WDPCP: variants seen among roughly 807,000 people sequenced by gnomAD.
WDPCP encodes the protein WD repeat containing planar cell polarity effector.
WDPCP carries 71 observed loss-of-function variants against 93.1 expected under a neutral mutation model. The observed-to-expected ratio is 0.76, with a 90% CI of 0.63 to 0.93. WDPCP has a LOEUF of 0.93. Ranked by LOEUF, WDPCP falls within the 40% of genes least tolerant of loss-of-function variation. WDPCP has a pLI of 0.00. For missense variants in WDPCP, 844 were observed against 887.4 expected (o/e 0.95, Z 0.62); for synonymous variants, 315 against 315.0 (o/e 1.00, Z 0.00).
chr2:63,370,128 T>C (rs1691261057), intron 12 of WDPCP, among the ~76,000 whole-genome samples: 1 of 152,168 alleles, frequency 6.6e-6, no homozygotes, highest in African/African-American at 2.4e-5. Flanking sequence ...ATTTACTGAT[T>C]AGTATAACAA....
intron 8 of WDPCP, among the ~76,000 whole-genome samples, chr2:63,435,374 G>C (rs1213297863): frequency 6.6e-6 from 1 of 152,142 alleles, no homozygotes; most frequent in African/African-American, 2.4e-5. Flanking sequence ...GGCAATGACA[G>C]ACAACACAGA....
chr2:63,460,455 A>T (rs1234464981), intron 6 of WDPCP, among the ~76,000 whole-genome samples: 1 of 152,202 alleles, frequency 6.6e-6, no homozygotes, highest in African/African-American at 2.4e-5. Flanking sequence ...TGTATATTTC[A>T]AAATAATTAG....
intron 2 of WDPCP, among the ~76,000 whole-genome samples, chr2:63,668,281 C>G (rs1016215456): frequency 5.3e-5 from 8 of 152,136 alleles, no homozygotes; most frequent in African/African-American, 1.9e-4. Flanking sequence ...TCCCACCACT[C>G]CCCAAGCCTC....
chr2:63,493,918 C>A (rs536912664), intron 1 of WDPCP, among the ~76,000 whole-genome samples: 7 of 152,074 alleles, frequency 4.6e-5, no homozygotes, highest in Admixed American at 3.3e-4. Flanking sequence ...TATTTTAAGA[C>A]ATATTTTAAT....
chr2:63,815,423 T>C (rs1670919393), intron 1 of WDPCP, among the ~76,000 whole-genome samples: 1 of 152,218 alleles, frequency 6.6e-6, no homozygotes, highest in Non-Finnish European at 1.5e-5. Context: ...GGAATTACTC[T>C]ACTACGAAAT....
intron 14 of WDPCP, chr2:63,228,692 T>C (rs937638533): frequency 6.6e-5 from 10 of 152,066 alleles, no homozygotes; most frequent in Non-Finnish European, 1.5e-4. Context: ...GTTTGGTTTT[T>C]TGTCCTTGCG....
At chr2:63,226,608 A>G (rs1678312625) in intron 14 of WDPCP, among the ~76,000 whole-genome samples, 1 of 151,900 alleles carries the variant, frequency 6.6e-6, no homozygotes, top group Admixed American at 6.6e-5. Flanking sequence ...AAATGAATGC[A>G]TCTCAAATAC....
rs573875497 is a variant in WDPCP, at chr2:63,136,486, A to G, written c.2191-14430T>C. Among the ~76,000 whole-genome samples the G allele has an allele frequency of 5.9e-5, 9 of 152,328 alleles. No homozygotes were observed. The South Asian group carries it at 1.7e-3, about 28-fold the overall frequency. ...TATCTATTATATACAGACACATAATAGAACACTTAAGATGGGTGCATTTTA... is the reference window on the plus strand; with the variant it reads ...TATCTATTATATACAGACACATAATGGAACACTTAAGATGGGTGCATTTTA... On this transcript the variant is annotated intron_variant, in intron 17 of 17. Transcript: ENST00000272321.
At chr2:63,190,048 C>T (rs1674923127) in intron 14 of WDPCP, among the ~76,000 whole-genome samples, 1 of 152,004 alleles carries the variant, frequency 6.6e-6, no homozygotes, top group Admixed American at 6.5e-5. Context: ...ATGAAGCAGA[C>T]ATAATCCCAT....
intron 14 of WDPCP, among the ~76,000 whole-genome samples, chr2:63,186,716 C>A (rs1674663251): frequency 6.6e-6 from 1 of 152,082 alleles, no homozygotes; most frequent in Admixed American, 6.5e-5. Flanking sequence ...ACTCAGGGTG[C>A]CTTCTCACCT....
At chr2:63,419,181 C>T (rs1327146324) in intron 9 of WDPCP, among the ~76,000 whole-genome samples, 1 of 152,150 alleles carries the variant, frequency 6.6e-6, no homozygotes, top group African/African-American at 2.4e-5. Context: ...CTCACTGTGT[C>T]ACCCAGGTTG....
chr2:63,286,911 T>G (rs1684047300), intron 13 of WDPCP, among the ~76,000 whole-genome samples: 1 of 152,214 alleles, frequency 6.6e-6, no homozygotes, highest in Non-Finnish European at 1.5e-5. Context: ...AGTAGTCGGC[T>G]AAGGCTGTCA....
chr2:63,815,046 T>C (rs987224544), intron 1 of WDPCP, among the ~76,000 whole-genome samples: 1 of 152,206 alleles, frequency 6.6e-6, no homozygotes, highest in African/African-American at 2.4e-5. Context: ...TTTATAGACA[T>C]TGCAAAAGAC....
In WDPCP at chr2:63,367,448, G is replaced by T. The variant is rs1315847261; in HGVS notation, c.1748+10938C>A. 2.6e-5 allele frequency among the ~76,000 whole-genome samples: 4 copies of T among 152,140 alleles called. No homozygotes were observed. In the East Asian group the frequency reaches 7.7e-4, roughly 29 times the overall value. On this transcript the variant is annotated intron_variant, in intron 12 of 17. Coordinates refer to ENST00000272321, the MANE Select transcript of WDPCP (RefSeq NM_015910.7). ...TCCATTTATAGAAATTTATTTTCAG[G>T]AAATAATCAGATAAATGTACAGAGA...
intron 1 of WDPCP, among the ~76,000 whole-genome samples, chr2:63,554,330 C>T (rs1476135449): frequency 6.6e-6 from 1 of 152,184 alleles, no homozygotes. Context: ...AGGAGGCACA[C>T]AATGTCAACT....
chr2:63,729,900 A>C (rs1294215783), intron 2 of WDPCP, among the ~76,000 whole-genome samples: 1 of 152,140 alleles, frequency 6.6e-6, no homozygotes, highest in African/African-American at 2.4e-5. Flanking sequence ...TTTTCTTATA[A>C]TGCTGAAATT....
At chr2:63,754,383 G>A (rs1337597231) in intron 2 of WDPCP, among the ~76,000 whole-genome samples, 2 of 152,198 alleles carry the variant, frequency 1.3e-5, no homozygotes, top group African/African-American at 4.8e-5. Flanking sequence ...AATAAAATAG[G>A]ATTTGCAGGT....
intron 2 of WDPCP, among the ~76,000 whole-genome samples, chr2:63,705,524 C>G (rs566747727): frequency 4.6e-5 from 7 of 152,246 alleles, no homozygotes. Flanking sequence ...TTTCAAAGAA[C>G]ATCTTTATTT....
chr2:63,643,649 T>C, intron 3 of WDPCP: 1 of 461,104 alleles, frequency 2.2e-6, no homozygotes, highest in Admixed American at 2.5e-5. Context: ...ATTCCTTTTG[T>C]ACCCACAAAG....
Sources: gnomAD v4.1 joint callset for allele counts (sites outside exome capture counted in the v4.1 genomes callset) on GRCh38, gnomAD v4.1.1 for gene constraint, MANE v1.5 for transcripts, NCBI Gene and HGNC (gene_info 2026-07-23, HGNC 2026-07-21) for gene names.